Variants in ADAM12 observed in about 807,000 individuals in gnomAD.
The protein encoded by ADAM12 is ADAM metallopeptidase domain 12, also known as disintegrin and metalloproteinase domain-containing protein 12.
In ADAM12, 70 loss-of-function variants were observed where a neutral mutation model predicts 106.4. The observed-to-expected ratio is 0.66, with a 90% confidence interval of 0.54 to 0.80. The LOEUF (loss-of-function observed/expected upper bound fraction) is 0.80, where lower values mean the gene tolerates loss of function less well. Ranked by LOEUF, ADAM12 falls within the 30% of genes least tolerant of loss-of-function variation. The probability of loss-of-function intolerance (pLI) is 0.00; values close to 1 mark genes in which losing one functional copy is unlikely to be tolerated. For synonymous variants in ADAM12, 420 were observed against 433.5 expected, an observed-to-expected ratio of 0.97 and a Z score of 0.39; for missense variants, 1,010 against 1,171.9, an observed-to-expected ratio of 0.86 and a Z score of 2.02.
chr10:126,129,168 G>A (rs570913157), intron 5 of ADAM12, among the ~76,000 whole-genome samples: 2 of 152,370 alleles, frequency 1.3e-5, no homozygotes, highest in East Asian at 3.9e-4. Context: ...TGTGCCTGCA[G>A]GTGATGAAGA....
chr10:126,210,894 C>T (rs982014519), intron 3 of ADAM12, among the ~76,000 whole-genome samples: 3 of 152,184 alleles, frequency 2.0e-5, no homozygotes, highest in African/African-American at 7.2e-5. Flanking sequence ...TGGGTGGCTT[C>T]CAGGTAGGTG....
chr10:126,162,689 C>G (rs979426636), intron 3 of ADAM12, among the ~76,000 whole-genome samples: 3 of 152,074 alleles, frequency 2.0e-5, no homozygotes, highest in Non-Finnish European at 4.4e-5. Context: ...TACAGAGCAC[C>G]AGGCCAGGAC....
At chr10:126,072,695 AG>A (rs1160749304) in intron 11 of ADAM12, among the ~76,000 whole-genome samples, 3 of 152,212 alleles carry the variant, frequency 2.0e-5, no homozygotes, top group Admixed American at 2.0e-4. Flanking sequence ...CAACATACAC[AG>A]AGTGTCTCAC....
At chr10:126,181,535 C>T (rs1957312494) in intron 3 of ADAM12, among the ~76,000 whole-genome samples, 2 of 151,966 alleles carry the variant, frequency 1.3e-5, no homozygotes, top group South Asian at 4.2e-4. Context: ...CATATCTGTC[C>T]ACCCACCCAG....
chr10:126,362,392 A>G (rs547316960), intron 1 of ADAM12, among the ~76,000 whole-genome samples: 1 of 152,250 alleles, frequency 6.6e-6, no homozygotes, highest in South Asian at 2.1e-4. Context: ...TCCTCAAAAT[A>G]ATATTACCAT....
At chr10:126,042,357 G>A (rs1954196252) in intron 18 of ADAM12, 3 of 1,306,302 alleles carry the variant, frequency 2.3e-6, no homozygotes, top group Non-Finnish European at 3.1e-6. Flanking sequence ...ATGGCCACGA[G>A]TTCAAGCACA....
chr10:126,326,867 C>T (rs1383423713), intron 2 of ADAM12, among the ~76,000 whole-genome samples: 2 of 152,192 alleles, frequency 1.3e-5, no homozygotes, highest in Admixed American at 1.3e-4. Context: ...TCAGATGTCA[C>T]CTCCACAGAG....
intron 11 of ADAM12, among the ~76,000 whole-genome samples, chr10:126,084,576 G>A (rs571203220): frequency 2.0e-4 from 31 of 152,340 alleles, no homozygotes; most frequent in African/African-American, 7.2e-4. Context: ...GACTTAGCAA[G>A]CCTGTAACAG....
At chr10:126,291,948 T>A (rs1176839569) in intron 2 of ADAM12, among the ~76,000 whole-genome samples, 1 of 149,840 alleles carries the variant, frequency 6.7e-6, no homozygotes, top group African/African-American at 2.5e-5. Flanking sequence ...CCTCAATCTG[T>A]ACACTTTGCT....
chr10:126,076,808 C>A (rs571890354), intron 11 of ADAM12, among the ~76,000 whole-genome samples: 6 of 152,262 alleles, frequency 3.9e-5, no homozygotes, highest in African/African-American at 1.4e-4. Context: ...TGTAGGCTGT[C>A]TGTTGGTAAT....
At chr10:126,350,252 G>A (rs1184557391) in intron 1 of ADAM12, among the ~76,000 whole-genome samples, 1 of 110,222 alleles carries the variant, frequency 9.1e-6, no homozygotes, top group African/African-American at 2.8e-5. Flanking sequence ...GGGCTGGGTG[G>A]GGAGCAAAGA....
At chr10:126,071,382 T>A in intron 12 of ADAM12, 95 bp downstream of exon 12, 1 of 1,462,942 alleles carries the variant, frequency 6.8e-7, no homozygotes, top group Non-Finnish European at 9.3e-7. Context: ...GTTCTAGTAC[T>A]TTCATCTGGC....
chr10:126,315,031 G>A (rs760366310), intron 2 of ADAM12, among the ~76,000 whole-genome samples: 4 of 152,092 alleles, frequency 2.6e-5, no homozygotes, highest in South Asian at 2.1e-4. Flanking sequence ...TAAGCATGCC[G>A]CTCCAAGTCA....
Position 126,113,708 on chromosome 10 carries a change from AT to A in ADAM12, c.604-3869del, listed in dbSNP as rs1565067699. 7.9e-3 allele frequency among the ~76,000 whole-genome samples: 713 copies of A among 90,064 alleles called. 28 individuals are homozygous for A. The highest frequency in any genetic ancestry group is 0.016 in the Middle Eastern group (3 of 190). The allele number at this position is 90,064 out of a possible 152,430, so 59.1% of individuals were successfully genotyped here. On this transcript the variant is annotated intron_variant, in intron 6 of 22. Coordinates refer to ENST00000448723, the MANE Select transcript of ADAM12 (RefSeq NM_001288973.2). ...AAAAAATATATATATATATATATAT[AT>A]ATATATATATATATATATATATAAT... is the stretch of plus-strand genomic sequence containing the variant.
In ADAM12 at chr10:126,155,393, A is replaced by G. The variant is rs1366721115; in HGVS notation, c.261-88T>C. On this transcript the variant is annotated intron_variant, in intron 3 of 22. Coordinates refer to ENST00000448723, the MANE Select transcript of ADAM12 (RefSeq NM_001288973.2). ...AATGTCTAGGCTATAGGGTAGCAAGATTGTGACCTCCTTTTTTTTTTTTTA... is the reference window on the plus strand; with the variant it reads ...AATGTCTAGGCTATAGGGTAGCAAGGTTGTGACCTCCTTTTTTTTTTTTTA... 4 of 1,162,154 alleles carry G rather than the reference A, an allele frequency of 3.4e-6. No individual in the cohort carries two copies. In the African/African-American group the frequency reaches 6.3e-5, roughly 18 times the overall value. 72.0% of individuals were successfully genotyped at this position (1,162,154 alleles called of 1,614,324 possible).
chr10:126,175,771 G>A (rs1957209441), intron 3 of ADAM12, among the ~76,000 whole-genome samples: 1 of 152,242 alleles, frequency 6.6e-6, no homozygotes, highest in Non-Finnish European at 1.5e-5. Flanking sequence ...ACTGCACTTT[G>A]CAAAACAAGC....
intron 1 of ADAM12, among the ~76,000 whole-genome samples, chr10:126,364,016 T>A (rs956676011): frequency 6.6e-6 from 1 of 152,122 alleles, no homozygotes; most frequent in African/African-American, 2.4e-5. Flanking sequence ...AATCCATGAA[T>A]GAATATTTAT....
chr10:126,250,844 A>G (rs1296018750), intron 3 of ADAM12, among the ~76,000 whole-genome samples: 2 of 152,190 alleles, frequency 1.3e-5, no homozygotes, highest in Non-Finnish European at 2.9e-5. Context: ...TCTAATTTTT[A>G]TTACACTCAT....
At chr10:126,243,477 GTGTGTGAGTGTA>G (rs1201400013) in intron 3 of ADAM12, among the ~76,000 whole-genome samples, 23 of 119,702 alleles carry the variant, frequency 1.9e-4, no homozygotes, top group South Asian at 1.7e-3. Context: ...GCAACTCTGT[GTGTGTGAGTGTA>G]TGTGTGTGTG....
Sources: gnomAD v4.1 joint callset for allele counts (sites outside exome capture counted in the v4.1 genomes callset) on GRCh38, gnomAD v4.1.1 for gene constraint, MANE v1.5 for transcripts, NCBI Gene and HGNC (gene_info 2026-07-23, HGNC 2026-07-21) for gene names.